The following ATP2B3 variants were observed in gnomAD, a reference collection of about 807,000 sequenced individuals.
ATP2B3 encodes ATPase plasma membrane Ca2+ transporting 3.
In ATP2B3, 12 loss-of-function variants were observed where a neutral mutation model predicts 70.8. The ratio of observed to expected loss-of-function variants is 0.17; its 90% CI spans 0.11 to 0.27. The LOEUF is 0.27. Among genes scored for constraint, ATP2B3 ranks in the 10% least tolerant of loss-of-function variants. The pLI, the probability that ATP2B3 is intolerant of heterozygous loss-of-function variation, is 1.00. For synonymous variants in ATP2B3, 460 were observed against 497.8 expected (o/e 0.92, Z 1.01); for missense variants, 858 against 1,118.5 (o/e 0.77, Z 3.32).
intron 2 of ATP2B3, among the ~76,000 whole-genome samples, chrX:153,529,586 C>T (rs1349776343): frequency 8.9e-6 from 1 of 111,958 alleles, no homozygotes; most frequent in Non-Finnish European, 1.9e-5. Flanking sequence ...AAATGTACCA[C>T]GTTCACCATT....
Position 153,565,002 on chromosome X carries a change from G to A in ATP2B3, c.3241G>A (p.Glu1081Lys), listed in dbSNP as rs782360314. The stretch of plus-strand genomic sequence containing the variant: ...GCCCGGGAAGGACGAGATGACCGAC[G>A]AGGAGCTGGCCGAAGGCGAGGAAGA... The part of the protein sequence containing the change: ...HGPGKDEMTD[E>K]ELAEGEEEID... The change falls in exon 21 of 22, where the codon GAG (glutamate) becomes AAG (lysine). Residue 1081 changes from glutamate (E) to lysine (K), a missense_variant. Around this residue, in one of 5 missense-constraint regions of ATP2B3, gnomAD observed 265 missense variants for 305.3 expected, o/e 0.87. Transcript: ENST00000263519. 6 of 1,200,424 alleles carry A rather than the reference G, an allele frequency of 5.0e-6. No individual in the cohort carries two copies. In the Admixed American group the frequency reaches 6.7e-5, roughly 13 times the overall value.
intron 17 of ATP2B3, 154 bp from the exon 18 acceptor site, chrX:153,559,575 G>A (rs899465286): frequency 4.6e-5 from 22 of 483,409 alleles, no homozygotes; most frequent in Admixed American, 1.1e-4. Context: ...CCCCACTAGC[G>A]TAAAGGCGAT....
In ATP2B3 at chrX:153,580,824, G is replaced by A. The variant is rs947832214; in HGVS notation, c.*526G>A. 2 of 112,153 alleles carry A rather than the reference G, an allele frequency of 1.8e-5. No individual in the cohort carries two copies. The highest frequency in any genetic ancestry group is 6.6e-5 in the African/African-American group (2 of 30,348). 9.2% of individuals were successfully genotyped at this position (112,153 alleles called of 1,213,427 possible). On this transcript the variant is annotated 3_prime_UTR_variant, in exon 22 of 22. Transcript: ENST00000263519. ...TGAGTGCTCTGCAGGCCTGTGAAGG[G>A]TGCCACCTGAGGGAGCCGCCTGCAA...
chrX:153,550,739 T>C (rs1218691485), intron 12 of ATP2B3, among the ~76,000 whole-genome samples: 1 of 111,618 alleles, frequency 9.0e-6, no homozygotes, highest in Non-Finnish European at 1.9e-5. Context: ...TGGGATTACA[T>C]GTGCATGCCA....
chrX:153,531,059 G>A (rs1396439062), intron 2 of ATP2B3, among the ~76,000 whole-genome samples: 2 of 112,320 alleles, frequency 1.8e-5, no homozygotes, highest in African/African-American at 6.5e-5. Context: ...TGGTCGCCAA[G>A]GTGCGTCAAG....
At chrX:153,574,684 C>T (rs2090833016) in intron 21 of ATP2B3, 1 of 294,702 alleles carries the variant, frequency 3.4e-6, no homozygotes, top group Admixed American at 3.4e-5. Flanking sequence ...CGGTCCTTCG[C>T]TTGTCTCCCT....
intron 13 of ATP2B3, 38 bp downstream of exon 13, chrX:153,553,307 G>A: frequency 8.7e-7 from 1 of 1,145,658 alleles, no homozygotes; most frequent in Non-Finnish European, 1.2e-6. Flanking sequence ...CCTGGTAACT[G>A]TGCCCTCTGC....
intron 2 of ATP2B3, among the ~76,000 whole-genome samples, chrX:153,521,851 AC>A (rs1260979403): frequency 9.8e-5 from 11 of 111,982 alleles, no homozygotes; most frequent in Non-Finnish European, 1.5e-4. Context: ...CAGAGAGAGA[AC>A]ATTTCCATCA....
At chrX:153,548,090 G>C (rs890177989) in intron 9 of ATP2B3, 91 bp downstream of exon 9, 27 of 1,054,592 alleles carry the variant, frequency 2.6e-5, no homozygotes, top group Non-Finnish European at 3.4e-5. Context: ...GTGTAGAGCA[G>C]GTGGGAAGGG....
chrX:153,577,807 G>C (rs1383719783), intron 21 of ATP2B3, among the ~76,000 whole-genome samples: 1 of 111,074 alleles, frequency 9.0e-6, no homozygotes, highest in African/African-American at 3.3e-5. Context: ...AAATAGGAAC[G>C]GGGAGTATCA....
intron 21 of ATP2B3, among the ~76,000 whole-genome samples, chrX:153,571,003 T>TATACAC (rs2090778967): frequency 4.6e-5 from 4 of 87,635 alleles, no homozygotes; most frequent in Non-Finnish European, 8.9e-5. Flanking sequence ...CGTGCGCGCG[T>TATACAC]ACACACACAC....
Position 153,542,399 on chromosome X carries a change from G to A in ATP2B3, c.741G>A (p.Glu247=). ...TCGACGAGAGCTCCCTGACGGGCGA[G>A]TCTGACCACGTGCGCAAGTCAGCTG... ...LKIDESSLTG[E]SDHVRKSADK... Residue 247 remains glutamate, a synonymous_variant, in exon 6 of 22, where the codon GAG becomes GAA. Transcript: ENST00000263519. 8.3e-7 allele frequency: 1 copy of A among 1,211,811 alleles called. No homozygotes were observed. Among genetic ancestry groups the A allele is most frequent in the South Asian group, 1.8e-5 (1 of 57,041 alleles).
chrX:153,544,250 G>A (rs2090331398), intron 7 of ATP2B3, among the ~76,000 whole-genome samples: 1 of 112,203 alleles, frequency 8.9e-6, no homozygotes. Flanking sequence ...GTCCTGGGAA[G>A]CCCAGCTGCC....
intron 17 of ATP2B3, 161 bp from the exon 18 acceptor site, chrX:153,559,568 C>T: frequency 2.2e-6 from 1 of 464,457 alleles, no homozygotes; most frequent in East Asian, 3.7e-5. Context: ...GAAAACGCCC[C>T]ACTAGCGTAA....
chrX:153,575,599 G>T (rs1047864277), intron 21 of ATP2B3, among the ~76,000 whole-genome samples: 2 of 111,705 alleles, frequency 1.8e-5, no homozygotes, highest in Admixed American at 1.9e-4. Context: ...AGGGGTGGGG[G>T]CGAAGTGCAG....
intron 3 of ATP2B3, among the ~76,000 whole-genome samples, chrX:153,540,000 T>G (rs948050979): frequency 1.8e-5 from 2 of 112,575 alleles, no homozygotes; most frequent in Non-Finnish European, 3.8e-5. Context: ...TGGCTTTGGG[T>G]GTCATTCAAG....
Position 153,541,344 on chromosome X carries a change from C to T in ATP2B3, c.209-15C>T, listed in dbSNP as rs782724516. On this transcript the variant is annotated splice_polypyrimidine_tract_variant and intron_variant, in intron 3 of 21. Coordinates refer to ENST00000263519, the MANE Select transcript of ATP2B3 (RefSeq NM_001001344.3). ...ATCCCATCCTCCCCTTCTGTGCTTC[C>T]GGGGCACCATGCAGGCCTGGCGGAC... 3 of 1,211,584 alleles carry T rather than the reference C, an allele frequency of 2.5e-6. No individual in the cohort carries two copies. The highest frequency in any genetic ancestry group is 3.4e-6 in the Non-Finnish European group (3 of 895,300).
intron 2 of ATP2B3, among the ~76,000 whole-genome samples, chrX:153,522,200 A>G (rs1340668033): frequency 8.9e-6 from 1 of 112,730 alleles, no homozygotes; most frequent in East Asian, 2.8e-4. Flanking sequence ...AGGGGGCCAC[A>G]TCTTATTGAT....
intron 2 of ATP2B3, among the ~76,000 whole-genome samples, chrX:153,533,661 G>T (rs1310420709): frequency 9.0e-6 from 1 of 111,601 alleles, no homozygotes; most frequent in Admixed American, 9.4e-5. Flanking sequence ...CTGCAGTGGG[G>T]AGGGCCAGCA....
Sources: gnomAD v4.1 joint callset for allele counts (sites outside exome capture counted in the v4.1 genomes callset) on GRCh38, gnomAD v4.1.1 for gene constraint, gnomAD v4.1.1 regional missense constraint, MANE v1.5 for transcripts, NCBI Gene and HGNC (gene_info 2026-07-23, HGNC 2026-07-21) for gene names.